APOO: variants seen among roughly 807,000 people sequenced by gnomAD.
The protein encoded by APOO is apolipoprotein O, also known as MICOS complex subunit MIC26.
In APOO, 11 loss-of-function variants were observed where a neutral mutation model predicts 23.1. The observed-to-expected ratio is 0.48, with a 90% CI of 0.30 to 0.79. APOO has a LOEUF of 0.79. Ranked by LOEUF, APOO falls within the 30% of genes least tolerant of loss-of-function variation. APOO has a pLI of 0.07. For missense variants in APOO, 160 were observed against 142.7 expected, an observed-to-expected ratio of 1.12 and a Z score of -0.62; for synonymous variants, 59 against 54.8, an observed-to-expected ratio of 1.08 and a Z score of -0.34.
Position 23,878,908 on chromosome X carries a change from G to C in APOO, c.237+7C>G. ...ATGCGTTCACTCCATTTTCAGAACA[G>C]TTGTACCTGACACCAGGTTGTGTAT... On this transcript the variant is annotated splice_region_variant and intron_variant, in intron 3 of 8. Transcript: ENST00000379226. 1 of 1,208,915 alleles carries C rather than the reference G, an allele frequency of 8.3e-7. No individual in the cohort carries two copies. The highest frequency in any genetic ancestry group is 1.8e-5 in the South Asian group (1 of 56,788).
chrX:23,874,584 A>T, intron 3 of APOO, 127 bp from the exon 4 acceptor site: 1 of 546,265 alleles, frequency 1.8e-6, no homozygotes, highest in Non-Finnish European at 3.0e-6. Flanking sequence ...GAACAAAGGG[A>T]TACACTGTCT....
intron 6 of APOO, among the ~76,000 whole-genome samples, chrX:23,856,800 T>A (rs1046911901): frequency 1.8e-5 from 2 of 112,953 alleles, no homozygotes; most frequent in Non-Finnish European, 3.7e-5. Flanking sequence ...GTGATCCACC[T>A]ACCTCGGCCT....
intron 1 of APOO, among the ~76,000 whole-genome samples, chrX:23,882,482 A>C: frequency 9.0e-6 from 1 of 111,455 alleles, no homozygotes; most frequent in East Asian, 2.9e-4. Context: ...CCTCTCCTCC[A>C]TCCATTTCCT....
chrX:23,904,345 T>C (rs1927259113), intron 1 of APOO, among the ~76,000 whole-genome samples: 1 of 110,534 alleles, frequency 9.0e-6, no homozygotes, highest in East Asian at 2.8e-4. Flanking sequence ...GTTGGTCCAA[T>C]CAGACTGAAG....
chrX:23,880,201 T>G (rs1470098539), intron 2 of APOO, among the ~76,000 whole-genome samples: 1 of 110,791 alleles, frequency 9.0e-6, no homozygotes, highest in Admixed American at 9.7e-5. Context: ...AGAATCAAGA[T>G]AAGCCAAGAA....
At chrX:23,838,154 A>G (rs1923786307) in intron 8 of APOO, among the ~76,000 whole-genome samples, 1 of 103,638 alleles carries the variant, frequency 9.6e-6, no homozygotes, top group Admixed American at 1.1e-4. Flanking sequence ...CAGGAGTTCG[A>G]GACCAGCCTG....
intron 7 of APOO, among the ~76,000 whole-genome samples, chrX:23,844,363 A>G (rs1048798224): frequency 3.6e-5 from 4 of 111,693 alleles, no homozygotes; most frequent in African/African-American, 1.3e-4. Flanking sequence ...TACCTCACAC[A>G]GCAAAGGGAA....
intron 8 of APOO, among the ~76,000 whole-genome samples, chrX:23,835,687 T>A (rs1449136104): frequency 9.2e-6 from 1 of 108,967 alleles, no homozygotes; most frequent in Non-Finnish European, 1.9e-5. Flanking sequence ...ACAAGTTCAT[T>A]CATTCATCAG....
intron 1 of APOO, among the ~76,000 whole-genome samples, chrX:23,889,701 C>G (rs1309378942): frequency 4.3e-5 from 4 of 94,087 alleles, no homozygotes; most frequent in Non-Finnish European, 6.2e-5. Context: ...CTCGCTCTGT[C>G]GCCCAGGCTG....
intron 1 of APOO, among the ~76,000 whole-genome samples, chrX:23,885,284 A>G (rs955697382): frequency 9.2e-6 from 1 of 109,215 alleles, no homozygotes; most frequent in Non-Finnish European, 1.9e-5. Context: ...CTGTAATCCC[A>G]GCTACTCGGG....
At chrX:23,863,172 A>T (rs1361011533) in intron 5 of APOO, among the ~76,000 whole-genome samples, 1 of 111,241 alleles carries the variant, frequency 9.0e-6, no homozygotes, top group East Asian at 2.8e-4. Flanking sequence ...CATCTCTACT[A>T]AAACCACAAA....
intron 5 of APOO, among the ~76,000 whole-genome samples, chrX:23,862,884 A>C (rs1215113236): frequency 5.8e-4 from 23 of 39,329 alleles, no homozygotes; most frequent in African/African-American, 2.2e-3. Context: ...CAGGGGATGG[A>C]AGGGGAGGGA....
intron 1 of APOO, 64 bp downstream of exon 1, chrX:23,907,630 G>A: frequency 9.0e-7 from 1 of 1,115,720 alleles, no homozygotes; most frequent in Non-Finnish European, 1.2e-6. Flanking sequence ...CCAAGAGAGC[G>A]CGGGGAGGGC....
At chrX:23,887,586 G>A (rs1801944340) in intron 1 of APOO, among the ~76,000 whole-genome samples, 2 of 110,820 alleles carry the variant, frequency 1.8e-5, no homozygotes, top group South Asian at 7.6e-4. Context: ...ATGTACCCAC[G>A]CCCTGAGCAC....
At chrX:23,907,569 C>T (rs1316625600) in intron 1 of APOO, 125 bp downstream of exon 1, 3 of 741,831 alleles carry the variant, frequency 4.0e-6, no homozygotes, top group Non-Finnish European at 5.6e-6. Flanking sequence ...CGCAGCCGGC[C>T]CAGTGGCGGG....
At chrX:23,858,162 C>T (rs1000928035) in intron 6 of APOO, among the ~76,000 whole-genome samples, 2 of 110,404 alleles carry the variant, frequency 1.8e-5, no homozygotes, top group African/African-American at 3.3e-5. Context: ...CTGAAAGCCC[C>T]GAAAAGGGCA....
rs1187023207 is a variant in APOO, at chrX:23,838,374, AAAAG to A, written c.*29+1935_*29+1938del. Among the ~76,000 whole-genome samples, 634 of 87,280 alleles carry A rather than the reference AAAAG, an allele frequency of 7.3e-3. 7 individuals carry two copies. The highest frequency in any genetic ancestry group is 0.012 in the East Asian group (30 of 2,421). 75.8% of individuals were successfully genotyped at this position (87,280 alleles called of 115,157 possible). On this transcript the variant is annotated intron_variant, in intron 8 of 8. Coordinates refer to ENST00000379226, the MANE Select transcript of APOO (RefSeq NM_024122.5). ...CTCTATCTCAAAAAAAAAAAAAAAAAAAAGAAAGAAAGAAAAAGAAAAGAATAAA... is the reference window on the plus strand; with the variant it reads ...CTCTATCTCAAAAAAAAAAAAAAAAAAAAGAAAGAAAAAGAAAAGAATAAA...
chrX:23,901,618 A>C (rs1927135609), intron 1 of APOO, among the ~76,000 whole-genome samples: 1 of 112,034 alleles, frequency 8.9e-6, no homozygotes, highest in Non-Finnish European at 1.9e-5. Context: ...TTGAAATAAA[A>C]AATACTTTTG....
chrX:23,842,782 G>A (rs1021046744), intron 7 of APOO, among the ~76,000 whole-genome samples: 1 of 112,393 alleles, frequency 8.9e-6, no homozygotes, highest in Non-Finnish European at 1.9e-5. Flanking sequence ...GCCAAGGTGG[G>A]TGGATCACCT....
Sources: allele counts gnomAD v4.1 joint callset (sites outside exome capture counted in the v4.1 genomes callset), GRCh38; gene constraint gnomAD v4.1.1; transcripts MANE v1.5; gene names NCBI Gene and HGNC (gene_info 2026-07-23, HGNC 2026-07-21).